Variants in PUS7L observed in about 807,000 individuals in gnomAD.
PUS7L encodes pseudouridylate synthase PUS7L.
A neutral mutation model predicts 51.1 loss-of-function variants in PUS7L; 49 were observed. That is an observed-to-expected ratio of 0.96 (90% CI 0.76 to 1.22). The LOEUF is 1.22. Among genes scored for constraint, PUS7L ranks in the 50% most tolerant of loss-of-function variants. The probability of loss-of-function intolerance (pLI) is 0.00; values close to 1 mark genes in which losing one functional copy is unlikely to be tolerated. For synonymous variants in PUS7L, 277 were observed against 276.2 expected, an observed-to-expected ratio of 1.00 and a Z score of -0.03; for missense variants, 828 against 820.6, an observed-to-expected ratio of 1.01 and a Z score of -0.11.
In PUS7L at chr12:43,754,469, G is replaced by T. The variant is rs1219624187; in HGVS notation, c.777C>A (p.Thr259=). 3 of 1,613,660 alleles carry T rather than the reference G, an allele frequency of 1.9e-6. No homozygotes were observed. Among genetic ancestry groups the T allele is most frequent in the Non-Finnish European group, 2.5e-6 (3 of 1,179,792 alleles). ...TGCAATTCATTTTAGAAAAAGATTT[G>T]GTTTCCACAAGGTTTCCAAACTTTT... ...VNKKFGNLVE[T]KSFSKMNCSA... is the part of the protein sequence containing the mutation. Residue 259 remains threonine (T), a synonymous_variant, in exon 2 of 9, where the codon ACC becomes ACA. Coordinates refer to ENST00000344862, the MANE Select transcript of PUS7L (RefSeq NM_031292.5).
Position 43,733,348 on chromosome 12 carries a change from T to A in PUS7L, c.1726-1590A>T, listed in dbSNP as rs183315846. The stretch of plus-strand genomic sequence containing the variant: ...AGAATTTTATTCTTTTTCCTTTTCA[T>A]ATTTTATATTTTGGGCCTCTAAGTC... On this transcript the variant is annotated intron_variant, in intron 7 of 8. Transcript: ENST00000344862. 1.9e-3 allele frequency among the ~76,000 whole-genome samples: 289 copies of A among 152,354 alleles called. 1 individual carries two copies. Among genetic ancestry groups the A allele is most frequent in the African/African-American group, 6.5e-3 (270 of 41,578 alleles).
chr12:43,732,554 A>G (rs1328713651), intron 7 of PUS7L, among the ~76,000 whole-genome samples: 1 of 152,228 alleles, frequency 6.6e-6, no homozygotes, highest in East Asian at 1.9e-4. Flanking sequence ...GGTGCATGAC[A>G]GATTAACTCT....
intron 3 of PUS7L, among the ~76,000 whole-genome samples, chr12:43,747,651 G>A (rs1438841987): frequency 9.2e-5 from 14 of 151,990 alleles, no homozygotes; most frequent in East Asian, 1.9e-4. Flanking sequence ...CCAAGATTGC[G>A]TGTTGCACTC....
At chr12:43,736,700 T>A (rs781718107) in intron 6 of PUS7L, 39 bp from the exon 7 acceptor site, 1 of 1,572,882 alleles carries the variant, frequency 6.4e-7, no homozygotes, top group African/African-American at 1.4e-5. Context: ...TAGCCACTTT[T>A]ATTTAAAGGC....
Position 43,744,749 on chromosome 12 carries a change from A to C in PUS7L, c.1263+1297T>G, listed in dbSNP as rs187202275. On this transcript the variant is annotated intron_variant, in intron 4 of 8. Transcript: ENST00000344862. ...TTTGTTTTCCTGTTGGACAGGTATAAAATTGTGTAAAAAGGTCTTTGTGGT... is the reference window on the plus strand; with the variant it reads ...TTTGTTTTCCTGTTGGACAGGTATACAATTGTGTAAAAAGGTCTTTGTGGT... Among the ~76,000 whole-genome samples, 43 of 152,260 alleles carry C rather than the reference A, an allele frequency of 2.8e-4. No individual in the cohort carries two copies. The East Asian group carries it at 4.4e-3, about 16-fold the overall frequency.
In PUS7L at chr12:43,725,038, T is replaced by C. The variant is rs900161118; in HGVS notation, c.*5338A>G. 2.6e-5 allele frequency: 4 copies of C among 152,192 alleles called. No homozygotes were observed. Among genetic ancestry groups the C allele is most frequent in the African/African-American group, 9.6e-5 (4 of 41,462 alleles). 9.4% of individuals were successfully genotyped at this position (152,192 alleles called of 1,614,324 possible). A position where few individuals can be genotyped will look rare whatever the true frequency, so the allele number is the denominator to read the frequency against. ...AGGCCTGCATAGTTGGCTAAAAAGGTAAATCAGCCAATGTTGATATATGTA... is the reference window on the plus strand; with the variant it reads ...AGGCCTGCATAGTTGGCTAAAAAGGCAAATCAGCCAATGTTGATATATGTA... On this transcript the variant is annotated 3_prime_UTR_variant, in exon 9 of 9. Coordinates refer to ENST00000344862, the MANE Select transcript of PUS7L (RefSeq NM_031292.5).
chr12:43,730,232 T>C lies in PUS7L; in HGVS notation c.*144A>G. 1.6e-6 allele frequency: 1 copy of C among 642,220 alleles called. No homozygotes were observed. The highest frequency in any genetic ancestry group is 2.1e-5 in the South Asian group (1 of 47,920). 39.8% of individuals were successfully genotyped at this position (642,220 alleles called of 1,614,324 possible). A position where few individuals can be genotyped will look rare whatever the true frequency, so the allele number is the denominator to read the frequency against. On this transcript the variant is annotated 3_prime_UTR_variant, in exon 9 of 9. Coordinates refer to ENST00000344862, the MANE Select transcript of PUS7L (RefSeq NM_031292.5). ...ACATATCCTCTATAAAATTACAGTA[T>C]CAAATCCTAACTTCTCAGGATGCTG...
chr12:43,746,952 CTT>C (rs1400540686), intron 3 of PUS7L, among the ~76,000 whole-genome samples: 2 of 152,172 alleles, frequency 1.3e-5, no homozygotes, highest in African/African-American at 4.8e-5. Context: ...CTTAAATACA[CTT>C]TAACATCTAA....
Position 43,729,896 on chromosome 12 carries a change from T to C in PUS7L, c.*480A>G, listed in dbSNP as rs77389592. The C allele has an allele frequency of 0.011, 1,747 of 159,542 alleles. 27 individuals are homozygous for C. The highest frequency in any genetic ancestry group is 0.038 in the African/African-American group (1,587 of 41,604). The allele number at this position is 159,542 out of a possible 1,614,324, so 9.9% of individuals were successfully genotyped here. A position where few individuals can be genotyped will look rare whatever the true frequency, so the allele number is the denominator to read the frequency against. On this transcript the variant is annotated 3_prime_UTR_variant, in exon 9 of 9. Transcript: ENST00000344862. ...ACAGAGGTATGGCATTTCCCTTGTA[T>C]ATTGTTCTGATCAATAATTTCAAAA...
chr12:43,757,942 T>C (rs1374287255), intron 1 of PUS7L, among the ~76,000 whole-genome samples: 2 of 152,152 alleles, frequency 1.3e-5, no homozygotes, highest in African/African-American at 4.8e-5. Flanking sequence ...TTATGGAAGA[T>C]GTTGAATGCC....
intron 5 of PUS7L, among the ~76,000 whole-genome samples, chr12:43,741,238 C>A (rs1937884457): frequency 6.6e-6 from 1 of 152,096 alleles, no homozygotes; most frequent in African/African-American, 2.4e-5. Context: ...GTTATTTGAA[C>A]AATTGTTAAG....
At chr12:43,745,974 CCT>C in intron 4 of PUS7L, 70 bp downstream of exon 4, 1 of 650,710 alleles carries the variant, frequency 1.5e-6, no homozygotes, top group Non-Finnish European at 2.6e-6. Context: ...AGAAGTTTCC[CCT>C]CTTGCCTCAG....
chr12:43,744,860 C>A (rs961306254), intron 4 of PUS7L, among the ~76,000 whole-genome samples: 2 of 152,088 alleles, frequency 1.3e-5, no homozygotes, highest in Non-Finnish European at 2.9e-5. Flanking sequence ...TAATGCCTAA[C>A]CTGCATCCCC....
chr12:43,734,658 TC>T lies in PUS7L; in HGVS notation c.1725+1722del, dbSNP rs534777479. 2.6e-4 allele frequency among the ~76,000 whole-genome samples: 40 copies of T among 152,272 alleles called. No homozygotes were observed. In the East Asian group the frequency reaches 7.2e-3, roughly 27 times the overall value. On this transcript the variant is annotated intron_variant, in intron 7 of 8. Transcript: ENST00000344862. ...CTCACTACAGACTACTTCTCTATAC[TC>T]CATGATTTTTCTAGTAGAGACCCAA...
rs943470870 is a variant in PUS7L at position 43,723,790 on chromosome 12, G to C, written c.*6586C>G. On this transcript the variant is annotated 3_prime_UTR_variant, in exon 9 of 9. Coordinates refer to ENST00000344862, the MANE Select transcript of PUS7L (RefSeq NM_031292.5). ...AACAGATTAAAACAGTACTATAAGAGAATCTTTCTGAAACTAGAAAGCAAA... is the reference window on the plus strand; with the variant it reads ...AACAGATTAAAACAGTACTATAAGACAATCTTTCTGAAACTAGAAAGCAAA... The C allele has an allele frequency of 6.6e-6, 1 of 151,926 alleles. No homozygotes were observed. The highest frequency in any genetic ancestry group is 1.5e-5 in the Non-Finnish European group (1 of 67,924). The allele number at this position is 151,926 out of a possible 1,614,324, so 9.4% of individuals were successfully genotyped here. A position where few individuals can be genotyped will look rare whatever the true frequency, so the allele number is the denominator to read the frequency against.
rs936895099 is a variant in PUS7L, at chr12:43,727,037, A to G, written c.*3339T>C. Reference sequence around the variant, plus strand: ...TAAAAACGGAAGAAAGGACATGAACAGACACTTCTCAAAAGAAGACATCCA... The same window carrying G: ...TAAAAACGGAAGAAAGGACATGAACGGACACTTCTCAAAAGAAGACATCCA... On this transcript the variant is annotated 3_prime_UTR_variant, in exon 9 of 9. Transcript: ENST00000344862. The G allele has an allele frequency of 2.0e-5, 3 of 152,204 alleles. No individual in the cohort carries two copies. Among genetic ancestry groups the G allele is most frequent in the African/African-American group, 7.2e-5 (3 of 41,442 alleles). 9.4% of individuals were successfully genotyped at this position (152,204 alleles called of 1,614,324 possible). A position where few individuals can be genotyped will look rare whatever the true frequency, so the allele number is the denominator to read the frequency against.
Position 43,748,455 on chromosome 12 carries a change from T to C in PUS7L, c.1065A>G (p.Pro355=). Reference sequence around the variant, plus strand: ...ATTTCTTAATATCTTATTACCTCTCTGGAGTCACTTTTCTAACAACCATTG... The same window carrying C: ...ATTTCTTAATATCTTATTACCTCTCCGGAGTCACTTTTCTAACAACCATTG... The part of the protein sequence containing the change: ...YQAMVVRKVT[P]ERLKNIEKEI... Residue 355 remains proline (P), a synonymous_variant, in exon 3 of 9, where the codon CCA becomes CCG. Transcript: ENST00000344862. The C allele has an allele frequency of 2.5e-6, 4 of 1,584,910 alleles. No individual in the cohort carries two copies. Among genetic ancestry groups the C allele is most frequent in the Non-Finnish European group, 2.6e-6 (3 of 1,172,078 alleles).
At chr12:43,740,153 C>T (rs752581842) in intron 5 of PUS7L, among the ~76,000 whole-genome samples, 1 of 152,100 alleles carries the variant, frequency 6.6e-6, no homozygotes, top group African/African-American at 2.4e-5. Flanking sequence ...AAAAGATGTT[C>T]CTTTTTTAAA....
chr12:43,745,918 AT>A lies in PUS7L; in HGVS notation c.1263+127del. 7.6e-6 allele frequency: 4 copies of A among 528,336 alleles called. No individual in the cohort carries two copies. The South Asian group carries it at 1.2e-4, about 16-fold the overall frequency. 32.7% of individuals were successfully genotyped at this position (528,336 alleles called of 1,614,324 possible). On this transcript the variant is annotated intron_variant, in intron 4 of 8. Transcript: ENST00000344862. ...ATGGCCCTAATTATCACTTTAGAAA[AT>A]AATTAATCACTTTTAAAAATCCCAT...
Sources: allele counts gnomAD v4.1 joint callset (sites outside exome capture counted in the v4.1 genomes callset), GRCh38; gene constraint gnomAD v4.1.1; transcripts MANE v1.5; gene names NCBI Gene and HGNC (gene_info 2026-07-23, HGNC 2026-07-21).